TENM1: variants seen among roughly 807,000 people sequenced by gnomAD.
TENM1 encodes teneurin transmembrane protein 1.
A neutral mutation model predicts 174.8 loss-of-function variants in TENM1; 35 were observed. The ratio of observed to expected loss-of-function variants is 0.20; its 90% CI spans 0.15 to 0.27. The LOEUF is 0.27. TENM1 is among the 10% of genes least tolerant of loss of function. TENM1 has a pLI of 1.00. For missense variants in TENM1, 1,633 were observed against 2,130.1 expected (o/e 0.77, Z 4.59); for synonymous variants, 781 against 798.7 (o/e 0.98, Z 0.37).
At chrX:124,687,887 G>A (rs1243566736) in intron 5 of TENM1, among the ~76,000 whole-genome samples, 1 of 112,494 alleles carries the variant, frequency 8.9e-6, no homozygotes, top group Non-Finnish European at 1.9e-5. Context: ...GCAGCGTGGT[G>A]GCTGTCAAGG....
intron 27 of TENM1, among the ~76,000 whole-genome samples, chrX:124,394,584 A>G (rs749153731): frequency 1.8e-5 from 2 of 112,055 alleles, no homozygotes; most frequent in Non-Finnish European, 3.8e-5. Flanking sequence ...CCCCAAATAT[A>G]AAAGAGATAA....
At chrX:125,120,929 T>C in the TENM1 span, among the ~76,000 whole-genome samples, 2 of 111,558 alleles carry the variant, frequency 1.8e-5, no homozygotes, top group East Asian at 5.7e-4. Flanking sequence ...TTTCTCATTA[T>C]GGCATGAGTA....
intron 1 of TENM1, among the ~76,000 whole-genome samples, chrX:124,945,179 G>A (rs2058383978): frequency 8.9e-6 from 1 of 111,895 alleles, no homozygotes; most frequent in Non-Finnish European, 1.9e-5. Context: ...TCCCTATCCA[G>A]GTAGATATCA....
chrX:124,582,661 T>A (rs1318010594), intron 11 of TENM1, among the ~76,000 whole-genome samples: 3 of 111,850 alleles, frequency 2.7e-5, no homozygotes, highest in Non-Finnish European at 3.8e-5. Flanking sequence ...TTCATCTCAC[T>A]AGGGAGTGCC....
chrX:125,192,210 AG>A, the TENM1 span, among the ~76,000 whole-genome samples: 6 of 111,934 alleles, frequency 5.4e-5, no homozygotes, highest in Non-Finnish European at 1.1e-4. Context: ...CAAGGCCCTG[AG>A]AAAAAAAAAG....
At chrX:124,474,096 T>C (rs1200352428) in intron 22 of TENM1, among the ~76,000 whole-genome samples, 1 of 111,580 alleles carries the variant, frequency 9.0e-6, no homozygotes, top group African/African-American at 3.3e-5. Context: ...AAGGACATAA[T>C]GTTTCCTTCC....
intron 3 of TENM1, among the ~76,000 whole-genome samples, chrX:124,849,397 A>G: frequency 9.0e-6 from 1 of 110,706 alleles, no homozygotes; most frequent in Middle Eastern, 4.6e-3. Flanking sequence ...AGTATGTAGT[A>G]AAATTCTGCC....
chrX:124,643,363 G>T (rs931239141), intron 10 of TENM1, among the ~76,000 whole-genome samples: 5 of 110,584 alleles, frequency 4.5e-5, no homozygotes, highest in Non-Finnish European at 9.4e-5. Flanking sequence ...GGAAGGAAAT[G>T]GGCCATATGG....
chrX:124,973,466 T>C, the TENM1 span, among the ~76,000 whole-genome samples: 1 of 111,714 alleles, frequency 9.0e-6, no homozygotes, highest in Non-Finnish European at 1.9e-5. Flanking sequence ...TTGATGGGGA[T>C]AGCACTGAAT....
chrX:125,095,719 T>C, the TENM1 span, among the ~76,000 whole-genome samples: 2 of 111,778 alleles, frequency 1.8e-5, no homozygotes, highest in South Asian at 3.7e-4. Flanking sequence ...AAAGACACCA[T>C]GGATGTTTTA....
At chrX:124,479,651 CAT>C (rs2046802719) in intron 22 of TENM1, among the ~76,000 whole-genome samples, 1 of 111,299 alleles carries the variant, frequency 9.0e-6, no homozygotes, top group African/African-American at 3.3e-5. Flanking sequence ...CTAAAATATT[CAT>C]TCTCTGTGTG....
intron 3 of TENM1, among the ~76,000 whole-genome samples, chrX:124,752,932 C>A (rs1763330580): frequency 9.0e-6 from 1 of 111,009 alleles, no homozygotes; most frequent in African/African-American, 3.3e-5. Flanking sequence ...AGCATGATGC[C>A]TCCAGCTTTG....
chrX:125,174,424 G>A, the TENM1 span, among the ~76,000 whole-genome samples: 1 of 111,244 alleles, frequency 9.0e-6, no homozygotes, highest in Non-Finnish European at 1.9e-5. Flanking sequence ...TACTCAAGGA[G>A]GCTTCATGGG....
intron 17 of TENM1, 111 bp downstream of exon 20, chrX:124,523,253 C>A: frequency 1.2e-6 from 1 of 814,726 alleles, no homozygotes. Context: ...AAATAAAGGG[C>A]AGCACATTAT....
At chrX:124,828,488 T>A (rs1250254320) in intron 3 of TENM1, among the ~76,000 whole-genome samples, 1 of 112,244 alleles carries the variant, frequency 8.9e-6, no homozygotes, top group African/African-American at 3.2e-5. Flanking sequence ...AGAAGATAAT[T>A]TCATGTACTT....
chrX:124,512,862 A>G (rs913434177), intron 18 of TENM1, among the ~76,000 whole-genome samples: 3 of 111,817 alleles, frequency 2.7e-5, no homozygotes, highest in Non-Finnish European at 5.6e-5. Context: ...ATCACTTTAA[A>G]TTCAGCTTGT....
At chrX:124,448,470 C>T (rs1347254458) in intron 23 of TENM1, among the ~76,000 whole-genome samples, 2 of 111,843 alleles carry the variant, frequency 1.8e-5, no homozygotes, top group Non-Finnish European at 3.8e-5. Flanking sequence ...AGAATGATCT[C>T]TGAAAACTGA....
At chrX:124,812,496 T>C (rs2055804612) in intron 3 of TENM1, among the ~76,000 whole-genome samples, 1 of 111,544 alleles carries the variant, frequency 9.0e-6, no homozygotes, top group African/African-American at 3.2e-5. Context: ...TTTGTCAGTA[T>C]GATTAGTGAT....
the TENM1 span, among the ~76,000 whole-genome samples, chrX:125,136,437 G>A: frequency 8.9e-6 from 1 of 111,753 alleles, no homozygotes; most frequent in South Asian, 3.8e-4. Flanking sequence ...TTTATTAAGT[G>A]AGTTCTATTA....
Sources: allele counts gnomAD v4.1 joint callset (sites outside exome capture counted in the v4.1 genomes callset), GRCh38; gene constraint gnomAD v4.1.1; transcripts MANE v1.5; gene names NCBI Gene and HGNC (gene_info 2026-07-23, HGNC 2026-07-21).